Variants in SCN10A observed in about 807,000 individuals in gnomAD.
SCN10A encodes sodium channel protein type 10 subunit alpha.
A neutral mutation model predicts 170.7 loss-of-function variants in SCN10A; 162 were observed. That is an observed-to-expected ratio of 0.95 (90% CI 0.84 to 1.08). SCN10A has a LOEUF of 1.08. SCN10A is among the 50% of genes least tolerant of loss of function. The pLI is 0.00. For synonymous variants in SCN10A, 985 were observed against 904.6 expected (o/e 1.09, Z -1.59); for missense variants, 2,527 against 2,436.9 (o/e 1.04, Z -0.78).
At chr3:38,759,327 G>A (rs777303311) in intron 8 of SCN10A, among the ~76,000 whole-genome samples, 2 of 152,048 alleles carry the variant, frequency 1.3e-5, no homozygotes, top group Non-Finnish European at 2.9e-5. Flanking sequence ...GAGCTGAGGG[G>A]TCCTCATCCC....
intron 26 of SCN10A, 67 bp from the exon 27 acceptor site, chr3:38,702,176 T>G: frequency 6.7e-7 from 1 of 1,482,158 alleles, no homozygotes; most frequent in Non-Finnish European, 9.0e-7. Context: ...CTGTGTTATC[T>G]GTAGATGAGT....
intron 10 of SCN10A, among the ~76,000 whole-genome samples, chr3:38,756,307 A>C (rs2126027639): frequency 6.6e-6 from 1 of 152,060 alleles, no homozygotes; most frequent in East Asian, 1.9e-4. Flanking sequence ...AGGGTAAAAA[A>C]AAAAAGCTGG....
intron 2 of SCN10A, 36 bp downstream of exon 2, chr3:38,793,705 G>A: frequency 6.3e-7 from 1 of 1,593,102 alleles, no homozygotes; most frequent in Non-Finnish European, 8.6e-7. Flanking sequence ...TCCTCTCCAA[G>A]AGCTGAGAGC....
intron 13 of SCN10A, among the ~76,000 whole-genome samples, chr3:38,743,466 G>A (rs7433723): frequency 0.66 from 100,998 of 152,094 alleles, 34,634 homozygotes; most frequent in African/African-American, 0.85. Context: ...CTGCTTCTTT[G>A]ACAGTAAAAT....
intron 3 of SCN10A, 47 bp from the exon 4 acceptor site, chr3:38,789,083 G>T: frequency 9.3e-7 from 1 of 1,072,508 alleles, no homozygotes; most frequent in Non-Finnish European, 1.5e-6. Context: ...AAGTCTCTGT[G>T]ATGTCATCTA....
Position 38,752,265 on chromosome 3 carries a change from T to C in SCN10A, c.1709A>G (p.Gln570Arg). Residue 570 changes from glutamine (Q) to arginine (R), a missense_variant, in exon 12 of 28, where the codon CAA (glutamine) becomes CGA (arginine). Transcript: ENST00000449082. Reference protein sequence around the residue: ...PDSRHGEDEHQPPPTSELAPG... With the variant: ...PDSRHGEDEHRPPPTSELAPG... ...GGCAAGCTCACTAGTGGGCGGCGGT[T>C]GGTGTTCATCTTCTCCATGCCTGGA... 1 of 1,577,540 alleles carries C rather than the reference T, an allele frequency of 6.3e-7. No homozygotes were observed. The highest frequency in any genetic ancestry group is 1.4e-5 in the African/African-American group (1 of 73,244).
rs1309847367 is a variant in SCN10A, at chr3:38,792,097, A to G, written c.342T>C (p.Ser114=). Residue 114 remains serine (S), a synonymous_variant, in exon 3 of 28, where the codon AGT becomes AGC. Transcript: ENST00000449082. The part of the protein sequence containing the change: ...FSATRALWLF[S]PFNLIRRTAI... ...CCGTTCTTCTGATCAGGTTGAAAGG[A>G]CTGAATAGCCACAGGGCCCGAGTGG... The G allele has an allele frequency of 6.2e-7, 1 of 1,613,868 alleles. No individual in the cohort carries two copies. The highest frequency in any genetic ancestry group is 2.2e-5 in the East Asian group (1 of 44,864).
At chr3:38,735,427 G>A (rs188418456) in intron 15 of SCN10A, among the ~76,000 whole-genome samples, 101 of 152,270 alleles carry the variant, frequency 6.6e-4, no homozygotes, top group African/African-American at 2.3e-3. Flanking sequence ...TTTATTGAAA[G>A]ACTGGTATAC....
chr3:38,814,749 G>A (rs953240589), intron 1 of SCN10A, among the ~76,000 whole-genome samples: 22 of 152,080 alleles, frequency 1.4e-4, no homozygotes, highest in Non-Finnish European at 2.9e-4. Context: ...AAGTGGACAG[G>A]GAACTAGGAA....
intron 1 of SCN10A, among the ~76,000 whole-genome samples, chr3:38,813,864 G>T (rs1276583629): frequency 6.6e-6 from 1 of 152,232 alleles, no homozygotes; most frequent in East Asian, 1.9e-4. Context: ...TTAGTGAGAA[G>T]GGTGAGAGAA....
At chr3:38,756,895 G>T in intron 9 of SCN10A, 24 bp from the exon 10 acceptor site, 1 of 1,613,286 alleles carries the variant, frequency 6.2e-7, no homozygotes, top group Non-Finnish European at 8.5e-7. Context: ...GGAAAGAAGA[G>T]AAACCTGTAC....
At chr3:38,807,746 C>T (rs1233691214) in intron 1 of SCN10A, among the ~76,000 whole-genome samples, 1 of 152,080 alleles carries the variant, frequency 6.6e-6, no homozygotes, top group Non-Finnish European at 1.5e-5. Context: ...GTATCTCTCC[C>T]CTATAAATTG....
chr3:38,792,071 G>A lies in SCN10A; in HGVS notation c.368C>T (p.Ala123Val), dbSNP rs537640516. Residue 123 changes from alanine (A) to valine (V), a missense_variant, in exon 3 of 28, where the codon GCC (alanine) becomes GTC (valine). Coordinates refer to ENST00000449082, the MANE Select transcript of SCN10A (RefSeq NM_006514.4). ...ATATGAGTGGACAGACACTTTGATG[G>A]CCGTTCTTCTGATCAGGTTGAAAGG... The part of the protein sequence containing the change: ...FSPFNLIRRT[A>V]IKVSVHSWFS... The A allele has an allele frequency of 6.4e-5, 103 of 1,613,704 alleles. No homozygotes were observed. In the South Asian group the frequency reaches 1.1e-3, roughly 17 times the overall value.
intron 21 of SCN10A, 123 bp from the exon 22 acceptor site, chr3:38,714,203 C>T (rs1559417427): frequency 8.4e-7 from 1 of 1,184,406 alleles, no homozygotes; most frequent in Non-Finnish European, 1.2e-6. Context: ...ATCCTAGCTC[C>T]CACCTTATTC....
Position 38,701,992 on chromosome 3 carries a change from C to T in SCN10A, c.4504G>A (p.Glu1502Lys), listed in dbSNP as rs868500654. Residue 1502 changes from glutamate (E) to lysine (K), a missense_variant, in exon 27 of 28, where the codon GAA becomes AAA. Physicochemically the swap from Glu to Lys is moderately conservative, Grantham distance 56. Transcript: ENST00000449082. Reference protein sequence around the residue: ...TMMVETDDQSEEKTKILGKIN... With the variant: ...TMMVETDDQSKEKTKILGKIN... ...TTGCCCAGAATTTTCGTCTTTTCTT[C>T]ACTTTGGTCATCAGTCTCCACCATC... 1 of 1,614,168 alleles carries T rather than the reference C, an allele frequency of 6.2e-7. No individual in the cohort carries two copies. Among genetic ancestry groups the T allele is most frequent in the Non-Finnish European group, 8.5e-7 (1 of 1,180,002 alleles).
chr3:38,794,801 C>T (rs920177060), intron 1 of SCN10A, among the ~76,000 whole-genome samples: 2 of 152,188 alleles, frequency 1.3e-5, no homozygotes, highest in South Asian at 2.1e-4. Flanking sequence ...TTCAAATACA[C>T]TCTTTTCTCA....
chr3:38,751,932 T>G (rs2063751146), intron 12 of SCN10A, among the ~76,000 whole-genome samples: 2 of 152,292 alleles, frequency 1.3e-5, no homozygotes, highest in Non-Finnish European at 1.5e-5. Flanking sequence ...GAGGCAGTGA[T>G]GTTGAGTGGG....
At position 38,725,219 on chromosome 3, in the gene SCN10A, C is replaced by G; in HGVS notation, c.3183G>C (p.Leu1061=). ...GTSSEDLAPS[L]GETWKDESVP... Reference sequence around the variant, plus strand: ...CAGACTCATCTTTCCACGTCTCACCCAGGGATGGAGCCAGGTCCTCAGAAG... The same window carrying G: ...CAGACTCATCTTTCCACGTCTCACCGAGGGATGGAGCCAGGTCCTCAGAAG... Residue 1061 remains leucine (L), a synonymous_variant, in exon 18 of 28, where the codon CTG becomes CTC. Coordinates refer to ENST00000449082, the MANE Select transcript of SCN10A (RefSeq NM_006514.4). The G allele has an allele frequency of 6.2e-7, 1 of 1,606,790 alleles. No individual in the cohort carries two copies. Among genetic ancestry groups the G allele is most frequent in the Non-Finnish European group, 8.5e-7 (1 of 1,174,704 alleles).
At chr3:38,758,109 T>C (rs539041435) in intron 8 of SCN10A, among the ~76,000 whole-genome samples, 89 of 152,204 alleles carry the variant, frequency 5.8e-4, no homozygotes, top group Non-Finnish European at 9.0e-4. Context: ...CTCCATGAAC[T>C]CCAACCTCTG....
Sources: gnomAD v4.1 joint callset for allele counts (sites outside exome capture counted in the v4.1 genomes callset) on GRCh38, gnomAD v4.1.1 for gene constraint, MANE v1.5 for transcripts, NCBI Gene and HGNC (gene_info 2026-07-23, HGNC 2026-07-21) for gene names.